The following PNKD variants were observed in gnomAD, a reference collection of about 807,000 sequenced individuals.
The protein encoded by PNKD is probable thioesterase PNKD.
Under a neutral mutation model 45.3 loss-of-function variants are expected in PNKD, and 36 were observed. That is an observed-to-expected ratio of 0.80 (90% CI 0.61 to 1.05). The LOEUF is 1.05. Among genes scored for constraint, PNKD ranks in the 50% least tolerant of loss-of-function variants. PNKD has a pLI of 0.00. For missense variants in PNKD, 511 were observed against 506.6 expected (o/e 1.01, Z -0.08); for synonymous variants, 197 against 210.1 (o/e 0.94, Z 0.54).
In PNKD at chr2:218,315,094, C is replaced by CTCCTTCCT. The variant is rs71064434; in HGVS notation, c.237-24667_237-24660dup. Among the ~76,000 whole-genome samples, 175 of 101,640 alleles carry CTCCTTCCT rather than the reference C, an allele frequency of 1.7e-3. 4 individuals are homozygous for CTCCTTCCT. Among genetic ancestry groups the CTCCTTCCT allele is most frequent in the African/African-American group, 6.6e-3 (169 of 25,724 alleles). The allele number at this position is 101,640 out of a possible 152,430, so 66.7% of individuals were successfully genotyped here. A position where few individuals can be genotyped will look rare whatever the true frequency, so the allele number is the denominator to read the frequency against. On this transcript the variant is annotated intron_variant, in intron 2 of 9. Coordinates refer to ENST00000273077, the MANE Select transcript of PNKD (RefSeq NM_015488.5). ...CCTTCCTTTCTTTCTCTCTCTCTCT[C>CTCCTTCCT]TCCTTCCTTCCTTCCTTCCTTCCTT...
At position 218,340,349 on chromosome 2, in the gene PNKD, G is replaced by A. The variant is rs1348575748; in HGVS notation, c.465+208G>A. Among the ~76,000 whole-genome samples the A allele has an allele frequency of 2.0e-5, 3 of 152,118 alleles. No homozygotes were observed. Among genetic ancestry groups the A allele is most frequent in the Non-Finnish European group, 4.4e-5 (3 of 68,008 alleles). On this transcript the variant is annotated intron_variant, in intron 4 of 9. Transcript: ENST00000273077. This position sits in a 1 kb window ranked among gnomAD's most constrained non-coding sequence, Gnocchi z 4.2. ...GAAGGGGAGAGCAGGAGTGGGGGAT[G>A]CAGAGCCAGAGGGCTGGGGGTGTTG...
chr2:218,285,255 G>T (rs1230384095), intron 2 of PNKD, among the ~76,000 whole-genome samples: 2 of 152,202 alleles, frequency 1.3e-5, no homozygotes, highest in East Asian at 3.8e-4. Flanking sequence ...AGGCACAGAA[G>T]AATTAAATCA....
chr2:218,331,556 T>G (rs1171241966), intron 2 of PNKD, among the ~76,000 whole-genome samples: 1 of 152,184 alleles, frequency 6.6e-6, no homozygotes, highest in Non-Finnish European at 1.5e-5. Flanking sequence ...CTGCAACCTC[T>G]GCCTGCCAGG....
intron 2 of PNKD, among the ~76,000 whole-genome samples, chr2:218,315,077 T>TTCCTTCCTTCCTTCCTTC (rs1191401028): frequency 2.7e-5 from 2 of 72,820 alleles, no homozygotes; most frequent in African/African-American, 9.2e-5. Context: ...TTCCTTCCTT[T>TTCCTTCCTTCCTTCCTTC]CTTTCTCTCT....
At chr2:218,305,493 G>T (rs1349165824) in intron 2 of PNKD, among the ~76,000 whole-genome samples, 1 of 152,012 alleles carries the variant, frequency 6.6e-6, no homozygotes, top group African/African-American at 2.4e-5. Flanking sequence ...TGGGACCACA[G>T]GTGCATGCCA....
intron 2 of PNKD, among the ~76,000 whole-genome samples, chr2:218,301,511 A>G (rs1214326301): frequency 1.3e-5 from 2 of 152,184 alleles, no homozygotes; most frequent in Non-Finnish European, 2.9e-5. Context: ...GCCTTGGCCG[A>G]CGCAATGGCT....
intron 2 of PNKD, among the ~76,000 whole-genome samples, chr2:218,318,878 G>A (rs926285816): frequency 6.0e-5 from 9 of 150,542 alleles, no homozygotes; most frequent in African/African-American, 1.5e-4. Flanking sequence ...CATAGAGGGA[G>A]TAACATTTTT....
rs375787189 is a variant in PNKD at position 218,340,164 on chromosome 2, G to A, written c.465+23G>A. ...CAGGTGAGGGGAGGGCAGGGAGCAG[G>A]GGGTGCCTGGAGTCACCTTGGGGAC... On this transcript the variant is annotated intron_variant, in intron 4 of 9. Coordinates refer to ENST00000273077, the MANE Select transcript of PNKD (RefSeq NM_015488.5). The surrounding 1 kb of genome is among the most constrained non-coding windows in gnomAD (Gnocchi z 4.2). 4 of 1,485,516 alleles carry A rather than the reference G, an allele frequency of 2.7e-6. No homozygotes were observed. Among genetic ancestry groups the A allele is most frequent in the Non-Finnish European group, 3.8e-6 (4 of 1,064,454 alleles). The allele number at this position is 1,485,516 out of a possible 1,614,324, so 92.0% of individuals were successfully genotyped here. A position where few individuals can be genotyped will look rare whatever the true frequency, so the allele number is the denominator to read the frequency against.
intron 2 of PNKD, among the ~76,000 whole-genome samples, chr2:218,309,608 A>C (rs1429239108): frequency 6.6e-6 from 1 of 151,922 alleles, no homozygotes; most frequent in Non-Finnish European, 1.5e-5. Flanking sequence ...CCAAAGTACT[A>C]GTTTGGATGC....
chr2:218,278,559 G>C (rs1691502679), intron 2 of PNKD: 1 of 1,614,058 alleles, frequency 6.2e-7, no homozygotes, highest in Non-Finnish European at 8.5e-7. Flanking sequence ...TGACAACGAA[G>C]ACAGCACTAG....
At chr2:218,271,208 G>C (rs983228745) in intron 1 of PNKD, 173 bp from the exon 2 acceptor site, 20 of 689,570 alleles carry the variant, frequency 2.9e-5, no homozygotes, top group Middle Eastern at 8.0e-4. Flanking sequence ...GTGCCACCTC[G>C]GTGGCGATTT....
At chr2:218,336,148 G>A (rs1168390914) in intron 2 of PNKD, among the ~76,000 whole-genome samples, 1 of 147,034 alleles carries the variant, frequency 6.8e-6, no homozygotes, top group Admixed American at 7.0e-5. Flanking sequence ...CCGGGAGGCA[G>A]AGGTTGCAGT....
At chr2:218,282,478 A>G (rs1692118246) in intron 2 of PNKD, among the ~76,000 whole-genome samples, 2 of 152,232 alleles carry the variant, frequency 1.3e-5, no homozygotes, top group Non-Finnish European at 1.5e-5. Flanking sequence ...GGAGCCTGGG[A>G]ACTCCCTGTT....
chr2:218,341,427 A>T (rs62182084), intron 5 of PNKD, 107 bp from the exon 6 acceptor site: 15,468 of 712,570 alleles, frequency 0.022, 237 homozygotes, highest in Non-Finnish European at 0.029. Flanking sequence ...GGCTTAGTCC[A>T]GAAGCCACAG....
chr2:218,279,422 C>T, intron 2 of PNKD: 3 of 1,426,304 alleles, frequency 2.1e-6, no homozygotes, highest in South Asian at 2.8e-5. Context: ...GCTGCCAGCC[C>T]CCAGTACTTT....
In PNKD at chr2:218,340,733, C is replaced by T; in HGVS notation, c.471C>T (p.Ser157=). 1.2e-6 allele frequency: 2 copies of T among 1,613,688 alleles called. No individual in the cohort carries two copies. Among genetic ancestry groups the T allele is most frequent in the Admixed American group, 3.3e-5 (2 of 60,004 alleles). Residue 157 remains serine (S), a synonymous_variant, in exon 5 of 10, where the codon TCC becomes TCT. Transcript: ENST00000273077. This position sits in a 1 kb window ranked among gnomAD's most constrained non-coding sequence, Gnocchi z 4.2. ...DPSDPRAVQA[S]IEKEGVTLVA... ...AAACCTCCTCTCTCTCGCAGGCTTCCATTGAAAAGGAAGGGGTCACCTTGG... is the reference window on the plus strand; with the variant it reads ...AAACCTCCTCTCTCTCGCAGGCTTCTATTGAAAAGGAAGGGGTCACCTTGG...
intron 2 of PNKD, among the ~76,000 whole-genome samples, chr2:218,272,299 G>A (rs1690872979): frequency 6.6e-6 from 1 of 152,250 alleles, no homozygotes; most frequent in Non-Finnish European, 1.5e-5. Context: ...TAGGCGGGAG[G>A]AGGAAAGAGG....
chr2:218,308,806 A>G (rs1311041511), intron 2 of PNKD, among the ~76,000 whole-genome samples: 1 of 149,046 alleles, frequency 6.7e-6, no homozygotes, highest in African/African-American at 2.5e-5. Context: ...GCTGGTCTCA[A>G]ACTCCTGACC....
chr2:218,316,714 T>C (rs1423837512), intron 2 of PNKD: 1 of 152,200 alleles, frequency 6.6e-6, no homozygotes, highest in Non-Finnish European at 1.5e-5. Flanking sequence ...CGTTGGGGCT[T>C]GAGGTTTGGA....
Sources: allele counts gnomAD v4.1 joint callset (sites outside exome capture counted in the v4.1 genomes callset), GRCh38; gene constraint gnomAD v4.1.1; non-coding constraint Gnocchi (gnomAD v3.1); transcripts MANE v1.5; gene names NCBI Gene and HGNC (gene_info 2026-07-23, HGNC 2026-07-21).